RAPGEF2: variants seen among roughly 807,000 people sequenced by gnomAD.
RAPGEF2 encodes the protein PDZ domain containing guanine nucleotide exchange factor (GEF) 1.
In RAPGEF2, 54 loss-of-function variants were observed where a neutral mutation model predicts 186.7. The ratio of observed to expected loss-of-function variants is 0.29; its 90% CI spans 0.23 to 0.36. The LOEUF (loss-of-function observed/expected upper bound fraction) is 0.36, where lower values mean the gene tolerates loss of function less well. Among genes scored for constraint, RAPGEF2 ranks in the 10% least tolerant of loss-of-function variants. The pLI is 1.00. For missense variants in RAPGEF2, 1,532 were observed against 2,045.0 expected, an observed-to-expected ratio of 0.75 and a Z score of 4.84; for synonymous variants, 712 against 705.9, an observed-to-expected ratio of 1.01 and a Z score of -0.14.
chr4:159,330,597 TAATGAAATAGGAGAATGTA>T, intron 13 of RAPGEF2, 99 bp downstream of exon 13: 1 of 848,550 alleles, frequency 1.2e-6, no homozygotes, highest in South Asian at 1.9e-5. Flanking sequence ...CAGATTAATG[TAATGAAATAGGAGAATGTA>T]ATTCTGAAGC....
At chr4:159,189,311 A>G (rs1460798412) in intron 2 of RAPGEF2, among the ~76,000 whole-genome samples, 1 of 152,252 alleles carries the variant, frequency 6.6e-6, no homozygotes, top group Non-Finnish European at 1.5e-5. Context: ...GAGCAGTTAA[A>G]GTAGACATTA....
At chr4:159,307,718 TC>T (rs1763468628) in intron 8 of RAPGEF2, among the ~76,000 whole-genome samples, 1 of 152,188 alleles carries the variant, frequency 6.6e-6, no homozygotes, top group Non-Finnish European at 1.5e-5. Flanking sequence ...ATGCCTGTAA[TC>T]CCAGCATTTT....
chr4:159,280,688 G>T (rs1018662829), intron 7 of RAPGEF2, among the ~76,000 whole-genome samples: 1 of 152,202 alleles, frequency 6.6e-6, no homozygotes, highest in Non-Finnish European at 1.5e-5. Context: ...ACTTTGAATT[G>T]TGAACCCTGA....
At chr4:159,148,716 C>A (rs1248241365) in intron 1 of RAPGEF2, among the ~76,000 whole-genome samples, 1 of 152,070 alleles carries the variant, frequency 6.6e-6, no homozygotes, top group Non-Finnish European at 1.5e-5. Context: ...TTTCATATTA[C>A]ATTTTCTGAA....
At chr4:159,246,128 C>T (rs1183561205) in intron 7 of RAPGEF2, among the ~76,000 whole-genome samples, 1 of 152,124 alleles carries the variant, frequency 6.6e-6, no homozygotes, top group Non-Finnish European at 1.5e-5. Context: ...ATATCTCCCA[C>T]ACATTTTATT....
At chr4:159,142,581 C>T (rs1217194546) in intron 1 of RAPGEF2, among the ~76,000 whole-genome samples, 1 of 148,980 alleles carries the variant, frequency 6.7e-6, no homozygotes, top group Non-Finnish European at 1.5e-5. Context: ...ACGTTTATTG[C>T]TAATATATAA....
intron 4 of RAPGEF2, 102 bp downstream of exon 4, chr4:159,210,685 G>C: frequency 1.2e-6 from 1 of 848,308 alleles, no homozygotes; most frequent in South Asian, 1.7e-5. Context: ...CTCTTCTGCT[G>C]ATACAAAGCA....
Position 159,243,811 on chromosome 4 carries a change from GTCT to G in RAPGEF2, c.543+24_543+26del. On this transcript the variant is annotated intron_variant, in intron 7 of 29. Coordinates refer to ENST00000691494, the MANE Select transcript of RAPGEF2 (RefSeq NM_001394067.2). ...TCTCAGGTATTGTAATTTGTGTGTG[GTCT>G]TCTGACACTAACCTAAGTTTACGTG... 1 of 1,268,484 alleles carries G rather than the reference GTCT, an allele frequency of 7.9e-7. No individual in the cohort carries two copies. Among genetic ancestry groups the G allele is most frequent in the East Asian group, 5.6e-5 (1 of 17,894 alleles). 78.6% of individuals were successfully genotyped at this position (1,268,484 alleles called of 1,614,324 possible).
intron 11 of RAPGEF2, among the ~76,000 whole-genome samples, chr4:159,324,199 T>C (rs921476648): frequency 1.8e-4 from 27 of 152,030 alleles, no homozygotes; most frequent in African/African-American, 5.1e-4. Context: ...CTGGCCTTTT[T>C]GTATTTTTAG....
chr4:159,339,920 C>T (rs764207381), intron 19 of RAPGEF2, among the ~76,000 whole-genome samples: 11 of 152,274 alleles, frequency 7.2e-5, no homozygotes, highest in South Asian at 4.1e-4. Context: ...TGCTACAGAG[C>T]TTAGTCCTTT....
At chr4:159,167,749 G>A (rs1235055604) in intron 1 of RAPGEF2, among the ~76,000 whole-genome samples, 8 of 152,142 alleles carry the variant, frequency 5.3e-5, no homozygotes, top group Non-Finnish European at 8.8e-5. Flanking sequence ...GAAGAAAAAA[G>A]GATTTGCTTT....
chr4:159,203,643 G>GA (rs1012696643), intron 3 of RAPGEF2, among the ~76,000 whole-genome samples: 3 of 151,338 alleles, frequency 2.0e-5, no homozygotes, highest in Non-Finnish European at 3.0e-5. Flanking sequence ...GGCATAGGTG[G>GA]AAAAAAAAAT....
chr4:159,121,955 G>A (rs1380966178), intron 1 of RAPGEF2, among the ~76,000 whole-genome samples: 7 of 142,310 alleles, frequency 4.9e-5, no homozygotes, highest in East Asian at 4.4e-4. Context: ...GGAGAATGGC[G>A]TAAAACCCGG....
chr4:159,345,184 T>C lies in RAPGEF2; in HGVS notation c.3357T>C (p.Arg1119=). The C allele has an allele frequency of 1.9e-6, 3 of 1,614,218 alleles. No homozygotes were observed. The highest frequency in any genetic ancestry group is 1.7e-6 in the Non-Finnish European group (2 of 1,180,020). Residue 1119 remains arginine (R), a synonymous_variant, in exon 24 of 30, where the codon CGT becomes CGC. Coordinates refer to ENST00000691494, the MANE Select transcript of RAPGEF2 (RefSeq NM_001394067.2). ...GTGGTCATAAAAAGCGGGTACGTCG[T>C]AGTTCCTTTCTCAATGCCAAAAAGC... is the stretch of plus-strand genomic sequence containing the variant. ...QTGGHKKRVR[R]SSFLNAKKLY... is the part of the protein sequence containing the mutation.
intron 1 of RAPGEF2, among the ~76,000 whole-genome samples, chr4:159,120,435 A>G (rs1739544667): frequency 6.6e-6 from 1 of 152,246 alleles, no homozygotes; most frequent in South Asian, 2.1e-4. Flanking sequence ...TGTCTTTAAG[A>G]AAAATAGTTT....
At chr4:159,338,513 T>G (rs1345402855) in intron 18 of RAPGEF2, 45 bp downstream of exon 18, 4 of 1,525,124 alleles carry the variant, frequency 2.6e-6, no homozygotes, top group Non-Finnish European at 3.6e-6. Flanking sequence ...AGTTATCTTT[T>G]TATTTCTAAC....
At chr4:159,141,478 G>T (rs1268468087) in intron 1 of RAPGEF2, among the ~76,000 whole-genome samples, 2 of 152,092 alleles carry the variant, frequency 1.3e-5, no homozygotes, top group Non-Finnish European at 2.9e-5. Flanking sequence ...ACATAGTGCT[G>T]TGGTGAATAT....
At chr4:159,237,461 T>C (rs1753402975) in intron 4 of RAPGEF2, among the ~76,000 whole-genome samples, 1 of 152,190 alleles carries the variant, frequency 6.6e-6, no homozygotes, top group Non-Finnish European at 1.5e-5. Context: ...TCAAGATAGT[T>C]TGCTAGAGAT....
rs1186841729 is a variant in RAPGEF2, at chr4:159,234,584, C to T, written c.282-4225C>T. 1.1e-4 allele frequency among the ~76,000 whole-genome samples: 15 copies of T among 141,292 alleles called. No homozygotes were observed. The Admixed American group carries it at 1.1e-3, about 11-fold the overall frequency. The allele number at this position is 141,292 out of a possible 152,430, so 92.7% of individuals were successfully genotyped here. ...TTTTTTTTTTTTTTTGAGACAGAGT[C>T]TCGCTCTGTCGCCCAGGCTGGAATG... On this transcript the variant is annotated intron_variant, in intron 4 of 29. Transcript: ENST00000691494.
Sources: gnomAD v4.1 joint callset for allele counts (sites outside exome capture counted in the v4.1 genomes callset) on GRCh38, gnomAD v4.1.1 for gene constraint, MANE v1.5 for transcripts, NCBI Gene and HGNC (gene_info 2026-07-23, HGNC 2026-07-21) for gene names.